The following INTS4 variants were observed in gnomAD, a reference collection of about 807,000 sequenced individuals.
INTS4 encodes integrator complex subunit 4.
Under a neutral mutation model 119.5 loss-of-function variants are expected in INTS4, and 70 were observed. That is an observed-to-expected ratio of 0.59 (90% CI 0.48 to 0.71). The LOEUF is 0.71. Ranked by LOEUF, INTS4 falls within the 30% of genes least tolerant of loss-of-function variation. INTS4 has a pLI of 0.00. For missense variants in INTS4, 867 were observed against 1,173.2 expected (o/e 0.74, Z 3.81); for synonymous variants, 316 against 419.6 (o/e 0.75, Z 3.02).
chr11:77,959,431 A>G (rs1954410177), intron 6 of INTS4, among the ~76,000 whole-genome samples: 1 of 152,074 alleles, frequency 6.6e-6, no homozygotes, highest in Admixed American at 6.5e-5. Context: ...TCTACCTTAT[A>G]TCTTAAATTC....
chr11:77,984,789 T>C (rs1045653651), intron 2 of INTS4, among the ~76,000 whole-genome samples: 1 of 150,732 alleles, frequency 6.6e-6, no homozygotes, highest in African/African-American at 2.4e-5. Context: ...GGTGAGAGGA[T>C]TGCATAAGCC....
intron 8 of INTS4, among the ~76,000 whole-genome samples, chr11:77,949,810 G>A (rs554778270): frequency 4.6e-5 from 7 of 152,266 alleles, no homozygotes; most frequent in South Asian, 4.1e-4. Context: ...ACAGCATGGC[G>A]ATTCCTCAAG....
intron 8 of INTS4, among the ~76,000 whole-genome samples, chr11:77,947,941 T>C (rs1954087679): frequency 6.6e-6 from 1 of 152,152 alleles, no homozygotes; most frequent in Non-Finnish European, 1.5e-5. Flanking sequence ...TCTTCCAGGC[T>C]CAAGTGATCC....
At position 77,928,357 on chromosome 11, in the gene INTS4, G is replaced by A; in HGVS notation, c.1356C>T (p.Val452=). Residue 452 remains valine (V), a synonymous_variant, in exon 11 of 23, where the codon GTC becomes GTT. Coordinates refer to ENST00000534064, the MANE Select transcript of INTS4 (RefSeq NM_033547.4). ...AAACACTCACCTCTAGCACAGCCAG[G>A]ACAGTGTCAAGCTGATCTTCTCGGA... ...ITLREDQLDT[V]LAVLEDSSRD... The A allele has an allele frequency of 1.9e-6, 3 of 1,613,330 alleles. No individual in the cohort carries two copies. The highest frequency in any genetic ancestry group is 2.5e-6 in the Non-Finnish European group (3 of 1,179,556).
chr11:77,929,737 T>A (rs1953600519), intron 10 of INTS4, among the ~76,000 whole-genome samples: 1 of 152,246 alleles, frequency 6.6e-6, no homozygotes, highest in Middle Eastern at 3.4e-3. Flanking sequence ...CTCCACTAAG[T>A]TGGAGGGTGA....
At chr11:77,884,360 A>G (rs1472087027) in intron 21 of INTS4, among the ~76,000 whole-genome samples, 14 of 152,200 alleles carry the variant, frequency 9.2e-5, no homozygotes, top group Non-Finnish European at 2.1e-4. Context: ...TCTTTCCACT[A>G]CATTGCAAGC....
At chr11:77,991,911 C>T (rs184689595) in intron 1 of INTS4, among the ~76,000 whole-genome samples, 15 of 152,136 alleles carry the variant, frequency 9.9e-5, no homozygotes, top group Non-Finnish European at 8.8e-5. Context: ...TGTGCCACCT[C>T]CACCTACTAC....
intron 8 of INTS4, 45 bp downstream of exon 8, chr11:77,955,897 T>G (rs1322317517): frequency 6.5e-6 from 10 of 1,536,570 alleles, no homozygotes; most frequent in Non-Finnish European, 8.8e-6. Context: ...GAAAAGAAAA[T>G]AAATATATAC....
rs920164672 is a variant in INTS4, at chr11:77,974,839, G to A, written c.471+4157C>T. Among the ~76,000 whole-genome samples the A allele has an allele frequency of 8.5e-5, 13 of 152,176 alleles. No individual in the cohort carries two copies. In the South Asian group the frequency reaches 1.7e-3, roughly 19 times the overall value. ...TGGTCTTGAACTCCTGGGCTCAAGTGATCCTCCTGCCTTGACCTCTCCAAC... is the reference window on the plus strand; with the variant it reads ...TGGTCTTGAACTCCTGGGCTCAAGTAATCCTCCTGCCTTGACCTCTCCAAC... On this transcript the variant is annotated intron_variant, in intron 4 of 22. Transcript: ENST00000534064.
At chr11:77,990,442 T>A (rs750527070) in intron 2 of INTS4, among the ~76,000 whole-genome samples, 12 of 151,902 alleles carry the variant, frequency 7.9e-5, no homozygotes, top group Non-Finnish European at 1.2e-4. Context: ...TCCTAACACT[T>A]TGGGAGGCCA....
chr11:77,945,731 C>G (rs1194663650), intron 8 of INTS4, among the ~76,000 whole-genome samples: 1 of 152,182 alleles, frequency 6.6e-6, no homozygotes, highest in Admixed American at 6.5e-5. Flanking sequence ...AGCCCCACTC[C>G]CTCACAACCC....
intron 9 of INTS4, among the ~76,000 whole-genome samples, chr11:77,939,363 C>T (rs549730361): frequency 6.6e-6 from 1 of 152,296 alleles, no homozygotes; most frequent in South Asian, 2.1e-4. Context: ...GTAGTCCCAG[C>T]TACTCGGGAG....
At chr11:77,907,223 C>T (rs899872954) in intron 16 of INTS4, among the ~76,000 whole-genome samples, 1 of 152,086 alleles carries the variant, frequency 6.6e-6, no homozygotes, top group African/African-American at 2.4e-5. Flanking sequence ...TACAGGAATG[C>T]ACCACCACAC....
chr11:77,900,069 T>A (rs1267073411), intron 18 of INTS4, among the ~76,000 whole-genome samples: 1 of 152,054 alleles, frequency 6.6e-6, no homozygotes, highest in African/African-American at 2.4e-5. Flanking sequence ...ATAGTAGGGA[T>A]TAAACATTTG....
intron 8 of INTS4, among the ~76,000 whole-genome samples, chr11:77,953,439 T>C (rs1049389664): frequency 3.9e-5 from 6 of 152,164 alleles, no homozygotes; most frequent in African/African-American, 1.4e-4. Flanking sequence ...CACTGTCAGG[T>C]AAATATGAGA....
At position 77,979,114 on chromosome 11, in the gene INTS4, G is replaced by A; in HGVS notation, c.365-12C>T. On this transcript the variant is annotated splice_polypyrimidine_tract_variant and intron_variant, in intron 3 of 22. Transcript: ENST00000534064. ...GACTTGATGAGACTCTAGAGAGGGA[G>A]ATAGAAAGTTGGCTTGTAGAATTTC... 1 of 1,544,030 alleles carries A rather than the reference G, an allele frequency of 6.5e-7. No individual in the cohort carries two copies. Among genetic ancestry groups the A allele is most frequent in the Non-Finnish European group, 9.0e-7 (1 of 1,117,052 alleles).
At chr11:77,884,758 T>G (rs1415155167) in intron 21 of INTS4, 2 of 388,296 alleles carry the variant, frequency 5.2e-6, no homozygotes, top group Non-Finnish European at 1.1e-5. Context: ...CTTCTTTCTT[T>G]CTTTTTTTTT....
At chr11:77,978,734 C>T (rs1565287566) in intron 4 of INTS4, 1 of 199,570 alleles carries the variant, frequency 5.0e-6, no homozygotes, top group Non-Finnish European at 1.0e-5. Context: ...ATTGTGAGGA[C>T]CAAATGAAAA....
At chr11:77,884,217 A>C (rs1390028290) in intron 21 of INTS4, among the ~76,000 whole-genome samples, 1 of 152,184 alleles carries the variant, frequency 6.6e-6, no homozygotes, top group Admixed American at 6.5e-5. Flanking sequence ...ACAGGTAAGA[A>C]TATTAATTCT....
Sources: gnomAD v4.1 joint callset for allele counts (sites outside exome capture counted in the v4.1 genomes callset) on GRCh38, gnomAD v4.1.1 for gene constraint, MANE v1.5 for transcripts, NCBI Gene and HGNC (gene_info 2026-07-23, HGNC 2026-07-21) for gene names.